The following ZC3H12B variants were observed in gnomAD, a reference collection of about 807,000 sequenced individuals.
ZC3H12B encodes the protein probable ribonuclease ZC3H12B.
ZC3H12B carries 7 observed loss-of-function variants against 43.9 expected under a neutral mutation model. The observed-to-expected ratio is 0.16, with a 90% CI of 0.09 to 0.30. The LOEUF (loss-of-function observed/expected upper bound fraction) is 0.30, where lower values mean the gene tolerates loss of function less well. Among genes scored for constraint, ZC3H12B ranks in the 10% least tolerant of loss-of-function variants. ZC3H12B has a pLI of 1.00. For missense variants in ZC3H12B, 475 were observed against 670.2 expected (o/e 0.71, Z 3.22); for synonymous variants, 222 against 241.7 (o/e 0.92, Z 0.76).
chrX:65,371,851 A>T (rs1458392581), intron 2 of ZC3H12B, among the ~76,000 whole-genome samples: 2 of 111,658 alleles, frequency 1.8e-5, no homozygotes, highest in African/African-American at 6.5e-5. Flanking sequence ...TTTCTAGGGG[A>T]TTGTCTATCA....
At chrX:65,201,687 T>G in the ZC3H12B span, among the ~76,000 whole-genome samples, 6 of 101,253 alleles carry the variant, frequency 5.9e-5, no homozygotes, top group African/African-American at 2.1e-4. Context: ...TCTCCAGGAT[T>G]GGTCCCTGGT....
chrX:65,262,521 G>T, the ZC3H12B span, among the ~76,000 whole-genome samples: 5 of 111,213 alleles, frequency 4.5e-5, no homozygotes, highest in African/African-American at 1.6e-4. Flanking sequence ...TAGTTTTATC[G>T]TGGTAAGGAT....
At chrX:65,061,117 T>C in the ZC3H12B span, among the ~76,000 whole-genome samples, 1 of 111,830 alleles carries the variant, frequency 8.9e-6, no homozygotes, top group Non-Finnish European at 1.9e-5. Context: ...AATGTATCCT[T>C]TTTCTTTTAT....
intron 3 of ZC3H12B, among the ~76,000 whole-genome samples, chrX:65,430,587 T>A (rs2067146776): frequency 1.0e-5 from 1 of 99,906 alleles, no homozygotes; most frequent in Non-Finnish European, 2.0e-5. Context: ...AGTGAGAACA[T>A]GCGGTGTTTG....
intron 3 of ZC3H12B, among the ~76,000 whole-genome samples, chrX:65,428,899 T>C (rs2067116193): frequency 8.9e-6 from 1 of 112,741 alleles, no homozygotes; most frequent in Admixed American, 9.3e-5. Flanking sequence ...CCTTTAATTT[T>C]TAAGGTTGCT....
chrX:65,424,844 A>G (rs1408666122), intron 3 of ZC3H12B, among the ~76,000 whole-genome samples: 1 of 111,926 alleles, frequency 8.9e-6, no homozygotes, highest in Non-Finnish European at 1.9e-5. Flanking sequence ...TTGTACCAGT[A>G]CCATGCTGTT....
the ZC3H12B span, among the ~76,000 whole-genome samples, chrX:65,317,851 C>CTA: frequency 0.031 from 2,916 of 95,110 alleles, 63 homozygotes; most frequent in African/African-American, 0.063. Context: ...CACGCACACA[C>CTA]TATATATATA....
At chrX:65,121,707 G>C in the ZC3H12B span, among the ~76,000 whole-genome samples, 1 of 110,928 alleles carries the variant, frequency 9.0e-6, no homozygotes, top group African/African-American at 3.3e-5. Flanking sequence ...GAATGTGTTT[G>C]CTCTTGCTTC....
At chrX:65,044,017 C>G in the ZC3H12B span, among the ~76,000 whole-genome samples, 2 of 111,748 alleles carry the variant, frequency 1.8e-5, no homozygotes, top group African/African-American at 6.5e-5. Flanking sequence ...AGACCCTACA[C>G]TCATGAAGTT....
intron 2 of ZC3H12B, among the ~76,000 whole-genome samples, chrX:65,374,959 G>A (rs549299278): frequency 9.0e-6 from 1 of 111,410 alleles, no homozygotes; most frequent in African/African-American, 3.3e-5. Flanking sequence ...CACATGGGGA[G>A]TATGGGAACT....
the ZC3H12B span, among the ~76,000 whole-genome samples, chrX:65,077,966 AAAGT>A: frequency 8.9e-6 from 1 of 112,263 alleles, no homozygotes; most frequent in Non-Finnish European, 1.9e-5. Flanking sequence ...GTAGCATGGA[AAAGT>A]AAGTTCACAA....
the ZC3H12B span, among the ~76,000 whole-genome samples, chrX:65,211,367 A>T: frequency 9.2e-6 from 1 of 109,201 alleles, no homozygotes; most frequent in Non-Finnish European, 1.9e-5. Context: ...TAATAAAATA[A>T]CATAAAAAAC....
the ZC3H12B span, among the ~76,000 whole-genome samples, chrX:65,242,344 C>G: frequency 9.8e-5 from 11 of 111,735 alleles, no homozygotes; most frequent in East Asian, 1.7e-3. Context: ...ATTTCATAAA[C>G]CAATAGTGAA....
the ZC3H12B span, among the ~76,000 whole-genome samples, chrX:65,200,426 CTT>C: frequency 6.0e-3 from 358 of 59,580 alleles, 2 homozygotes; most frequent in African/African-American, 0.03. Flanking sequence ...ATAGTTTCCT[CTT>C]TTTTTTTTTT....
intron 3 of ZC3H12B, among the ~76,000 whole-genome samples, chrX:65,464,517 ATC>A (rs1314880074): frequency 6.3e-5 from 7 of 110,253 alleles, no homozygotes; most frequent in Non-Finnish European, 1.1e-4. Context: ...CTTTTTTTTA[ATC>A]TCTGTCAATC....
At chrX:65,352,447 C>T in the ZC3H12B span, among the ~76,000 whole-genome samples, 1 of 94,197 alleles carries the variant, frequency 1.1e-5, no homozygotes, top group South Asian at 5.8e-4. Context: ...CACACGTATC[C>T]CAGAACTTAA....
At chrX:65,362,039 A>T (rs1339463659), upstream of ZC3H12B, among the ~76,000 whole-genome samples, 1 of 111,770 alleles carries the variant, frequency 8.9e-6, no homozygotes, top group Admixed American at 9.4e-5. Context: ...ACAGCCCGGG[A>T]TTCCTTTTGA....
At chrX:65,155,495 C>T in the ZC3H12B span, among the ~76,000 whole-genome samples, 1 of 110,783 alleles carries the variant, frequency 9.0e-6, no homozygotes, top group Non-Finnish European at 1.9e-5. Flanking sequence ...TTAAATGATC[C>T]GTGGGTTTTC....
At chrX:65,410,116 A>C (rs1257341781) in intron 3 of ZC3H12B, among the ~76,000 whole-genome samples, 4 of 109,746 alleles carry the variant, frequency 3.6e-5, no homozygotes, top group African/African-American at 1.3e-4. Flanking sequence ...AGAAAAAAAA[A>C]AAAAAAAAAA....
Sources: allele counts gnomAD v4.1 joint callset (sites outside exome capture counted in the v4.1 genomes callset), GRCh38; gene constraint gnomAD v4.1.1; transcripts MANE v1.5; gene names NCBI Gene and HGNC (gene_info 2026-07-23, HGNC 2026-07-21).